LDB3: variants seen among roughly 807,000 people sequenced by gnomAD.
LDB3 encodes the protein LIM domain binding 3, also known as LIM domain-binding protein 3.
Under a neutral mutation model 69.0 loss-of-function variants are expected in LDB3, and 49 were observed. That is an observed-to-expected ratio of 0.71 (90% CI 0.56 to 0.90). The LOEUF (loss-of-function observed/expected upper bound fraction) is 0.90, where lower values mean the gene tolerates loss of function less well. Ranked by LOEUF, LDB3 falls within the 40% of genes least tolerant of loss-of-function variation. The pLI, the probability that LDB3 is intolerant of heterozygous loss-of-function variation, is 0.00. For synonymous variants in LDB3, 387 were observed against 396.2 expected (o/e 0.98, Z 0.28); for missense variants, 928 against 974.1 (o/e 0.95, Z 0.63).
intron 12 of LDB3, among the ~76,000 whole-genome samples, chr10:86,720,289 C>T (rs936608777): frequency 9.2e-5 from 14 of 152,104 alleles, no homozygotes; most frequent in African/African-American, 2.7e-4. Context: ...TACAAAAATA[C>T]GAAAATTAGC....
intron 9 of LDB3, among the ~76,000 whole-genome samples, chr10:86,711,159 A>C (rs897310078): frequency 1.3e-5 from 2 of 152,274 alleles, no homozygotes; most frequent in Non-Finnish European, 1.5e-5. Context: ...CGGCGGGTGG[A>C]GGCGAGGCCT....
At position 86,693,863 on chromosome 10, in the gene LDB3, T is replaced by G. The variant is rs1469444293; in HGVS notation, c.896+1292T>G. ...CCCATGTAGCTGCTTCAGTGTGCAA[T>G]GCAGATGTTCCCAAACATTTGATAA... is the stretch of plus-strand genomic sequence containing the variant. On this transcript the variant is annotated intron_variant, in intron 7 of 13. Coordinates refer to ENST00000361373, the MANE Select transcript of LDB3 (RefSeq NM_007078.3). Among the ~76,000 whole-genome samples, 5 of 152,226 alleles carry G rather than the reference T, an allele frequency of 3.3e-5. No homozygotes were observed. The East Asian group carries it at 9.6e-4, about 29-fold the overall frequency.
chr10:86,722,680 T>C (rs534058613), intron 12 of LDB3, among the ~76,000 whole-genome samples: 59 of 143,478 alleles, frequency 4.1e-4, no homozygotes, highest in South Asian at 1.6e-3. Flanking sequence ...CAATTCTCTG[T>C]CTCAGCCTCC....
chr10:86,691,280 G>A (rs1391443062), intron 5 of LDB3, among the ~76,000 whole-genome samples: 1 of 152,186 alleles, frequency 6.6e-6, no homozygotes, highest in African/African-American at 2.4e-5. Flanking sequence ...CTTCCATGCA[G>A]CCCCACTCCC....
intron 7 of LDB3, among the ~76,000 whole-genome samples, chr10:86,704,853 A>T (rs1164217008): frequency 6.6e-6 from 1 of 152,032 alleles, no homozygotes; most frequent in Non-Finnish European, 1.5e-5. Flanking sequence ...AAATGCTGGG[A>T]TTACAGGCGT....
chr10:86,696,575 C>T (rs939711325), intron 7 of LDB3, among the ~76,000 whole-genome samples: 1 of 152,198 alleles, frequency 6.6e-6, no homozygotes, highest in Non-Finnish European at 1.5e-5. Context: ...CAGGACTGTC[C>T]CTGTCCCTGT....
rs58676596 is a variant in LDB3 at position 86,693,233 on chromosome 10, T to TG, written c.896+671dup. Among the ~76,000 whole-genome samples, 129 of 150,886 alleles carry TG rather than the reference T, an allele frequency of 8.5e-4. 1 individual carries two copies. Among genetic ancestry groups the TG allele is most frequent in the African/African-American group, 2.4e-3 (97 of 41,154 alleles). On this transcript the variant is annotated intron_variant, in intron 7 of 13. Coordinates refer to ENST00000361373, the MANE Select transcript of LDB3 (RefSeq NM_007078.3). The stretch of plus-strand genomic sequence containing the variant: ...AGGTGCTCATAGCATGAGGTGGGCA[T>TG]GGGGGGGGGCATGCCATCCTGGAAC...
At chr10:86,685,074 C>G (rs1160087188) in intron 5 of LDB3, among the ~76,000 whole-genome samples, 4 of 152,174 alleles carry the variant, frequency 2.6e-5, no homozygotes, top group Admixed American at 6.5e-5. Flanking sequence ...GTGCACCCCA[C>G]TCCCCTATAC....
Position 86,681,808 on chromosome 10 carries a change from G to C in LDB3, c.689+5G>C. On this transcript the variant is annotated splice_donor_5th_base_variant and intron_variant, in intron 5 of 13. Coordinates refer to ENST00000361373, the MANE Select transcript of LDB3 (RefSeq NM_007078.3). ...GGGTGTCGGACTCCCAGGAGGGTAG[G>C]TAACGGACATACAGCTCTCCACAGG... 1 of 1,589,470 alleles carries C rather than the reference G, an allele frequency of 6.3e-7. No homozygotes were observed. Among genetic ancestry groups the C allele is most frequent in the Non-Finnish European group, 8.6e-7 (1 of 1,169,272 alleles).
intron 2 of LDB3, among the ~76,000 whole-genome samples, chr10:86,670,570 G>A (rs943650443): frequency 3.3e-5 from 5 of 152,190 alleles, no homozygotes; most frequent in Non-Finnish European, 7.4e-5. Flanking sequence ...CTCACCCAGG[G>A]TCTATGTGCC....
intron 12 of LDB3, 27 bp from the exon 13 acceptor site, chr10:86,726,110 G>A (rs768541062): frequency 3.5e-5 from 55 of 1,567,966 alleles, no homozygotes; most frequent in Admixed American, 5.0e-5. Flanking sequence ...ACTGGGTGCG[G>A]GGTCTTCACT....
chr10:86,705,290 T>C (rs998160523), intron 7 of LDB3, among the ~76,000 whole-genome samples: 12 of 152,220 alleles, frequency 7.9e-5, no homozygotes, highest in African/African-American at 7.2e-5. Flanking sequence ...GAGTCCATGA[T>C]ACCAACATCA....
chr10:86,732,558 G>A (rs1847506512), intron 13 of LDB3: 3 of 461,998 alleles, frequency 6.5e-6, no homozygotes, highest in East Asian at 1.3e-4. Flanking sequence ...CTGGAGTGCA[G>A]TGGCACAATC....
chr10:86,732,956 G>T lies in LDB3; in HGVS notation c.2164G>T (p.Ala722Ser). The change falls in exon 14 of 14, where the codon GCA (alanine) becomes TCA (serine). Residue 722 changes from alanine to serine, a missense_variant. Ala to Ser is a moderately conservative substitution (Grantham distance 99, BLOSUM62 1). Coordinates refer to ENST00000361373, the MANE Select transcript of LDB3 (RefSeq NM_007078.3). Reference sequence around the variant, plus strand: ...GGACAGACCCCTGTGCAAGAAGCACGCACACACCATCAACTTGTAGGCGGC... The same window carrying T: ...GGACAGACCCCTGTGCAAGAAGCACTCACACACCATCAACTTGTAGGCGGC... ...KKDRPLCKKH[A>S]HTINL The T allele has an allele frequency of 1.2e-6, 2 of 1,613,594 alleles. No homozygotes were observed. Among genetic ancestry groups the T allele is most frequent in the Non-Finnish European group, 1.7e-6 (2 of 1,179,714 alleles).
chr10:86,676,079 T>A (rs1482810768), intron 2 of LDB3, among the ~76,000 whole-genome samples: 2 of 152,264 alleles, frequency 1.3e-5, no homozygotes, highest in Non-Finnish European at 2.9e-5. Flanking sequence ...AAGGGCTATG[T>A]GTATTTTAAG....
chr10:86,708,788 C>A (rs554644439), intron 8 of LDB3, among the ~76,000 whole-genome samples: 4 of 152,288 alleles, frequency 2.6e-5, no homozygotes, highest in Admixed American at 6.5e-5. Context: ...CTGGGACAGC[C>A]CCTCAGACCT....
chr10:86,709,931 C>A lies in LDB3; in HGVS notation c.1112C>A (p.Ala371Glu). The A allele has an allele frequency of 6.2e-7, 1 of 1,612,142 alleles. No individual in the cohort carries two copies. The highest frequency in any genetic ancestry group is 1.7e-5 in the Admixed American group (1 of 60,026). The change falls in exon 9 of 14, where the codon GCA becomes GAA. Residue 371 changes from alanine to glutamate, a missense_variant. Physicochemically the swap from Ala to Glu is moderately radical, Grantham distance 107 (BLOSUM62 -1). Transcript: ENST00000361373. Reference sequence around the variant, plus strand: ...CCCCAGGCCTCTTCCTACAGCCCCGCAGTGGCCGCCTCTTCAGCACCTGCC... The same window carrying A: ...CCCCAGGCCTCTTCCTACAGCCCCGAAGTGGCCGCCTCTTCAGCACCTGCC... The part of the protein sequence containing the change: ...PRPQASSYSP[A>E]VAASSAPATH...
At chr10:86,671,797 C>T (rs986330347) in intron 2 of LDB3, among the ~76,000 whole-genome samples, 1 of 152,208 alleles carries the variant, frequency 6.6e-6, no homozygotes, top group Non-Finnish European at 1.5e-5. Flanking sequence ...CCTGCTCGGC[C>T]TCAGTTTTTC....
rs149202018 is a variant in LDB3 at position 86,701,976 on chromosome 10, A to C, written c.897-4555A>C. On this transcript the variant is annotated intron_variant, in intron 7 of 13. Transcript: ENST00000361373. ...CACTATAGCTGATGAGGTGTTCTTC[A>C]TCTAGACCACAATGGCAATGTGGGC... 3.3e-3 allele frequency among the ~76,000 whole-genome samples: 496 copies of C among 152,324 alleles called. 4 individuals are homozygous for C. The highest frequency in any genetic ancestry group is 0.021 in the East Asian group (107 of 5,182).
Sources: allele counts gnomAD v4.1 joint callset (sites outside exome capture counted in the v4.1 genomes callset), GRCh38; gene constraint gnomAD v4.1.1; transcripts MANE v1.5; gene names NCBI Gene and HGNC (gene_info 2026-07-23, HGNC 2026-07-21).